Variants in ARHGAP15 observed in about 807,000 individuals in gnomAD.
ARHGAP15 encodes the protein rho GTPase-activating protein 15.
Under a neutral mutation model 63.7 loss-of-function variants are expected in ARHGAP15, and 51 were observed. That is an observed-to-expected ratio of 0.80 (90% CI 0.64 to 1.01). The LOEUF is 1.01. ARHGAP15 is among the 50% of genes least tolerant of loss of function. The pLI, the probability that ARHGAP15 is intolerant of heterozygous loss-of-function variation, is 0.00. For synonymous variants in ARHGAP15, 191 were observed against 193.8 expected (o/e 0.99, Z 0.12); for missense variants, 560 against 564.6 (o/e 0.99, Z 0.08).
At chr2:143,202,075 C>A in intron 2 of ARHGAP15, 59 bp from the exon 3 acceptor site, 1 of 1,325,774 alleles carries the variant, frequency 7.5e-7, no homozygotes, top group Admixed American at 1.7e-5. Flanking sequence ...TATGTGTATT[C>A]TTACTAAACT....
At chr2:143,192,902 T>G (rs1691734983) in intron 2 of ARHGAP15, among the ~76,000 whole-genome samples, 2 of 152,236 alleles carry the variant, frequency 1.3e-5, no homozygotes, top group South Asian at 4.1e-4. Context: ...CTGCTATCTA[T>G]GAGAGGTCTG....
chr2:143,635,319 C>T (rs747345441), intron 12 of ARHGAP15, among the ~76,000 whole-genome samples: 1 of 147,054 alleles, frequency 6.8e-6, no homozygotes, highest in Non-Finnish European at 1.5e-5. Context: ...CCCGAAAGTG[C>T]TGAGACTACA....
chr2:143,609,996 A>G (rs1242975348), intron 11 of ARHGAP15, among the ~76,000 whole-genome samples: 1 of 152,068 alleles, frequency 6.6e-6, no homozygotes, highest in Non-Finnish European at 1.5e-5. Context: ...GGGCCATAGG[A>G]GGTGGGTGGG....
intron 2 of ARHGAP15, among the ~76,000 whole-genome samples, chr2:143,166,203 T>C (rs1690526064): frequency 6.6e-6 from 1 of 152,104 alleles, no homozygotes; most frequent in South Asian, 2.1e-4. Flanking sequence ...GGAATCTTGC[T>C]GTTGTTATTT....
chr2:143,597,284 A>T (rs1414676512), intron 11 of ARHGAP15, among the ~76,000 whole-genome samples: 1 of 152,148 alleles, frequency 6.6e-6, no homozygotes, highest in Admixed American at 6.6e-5. Flanking sequence ...AAAATATAAA[A>T]TTTGTATTTT....
chr2:143,288,484 T>C (rs544211728), intron 6 of ARHGAP15, among the ~76,000 whole-genome samples: 2 of 152,264 alleles, frequency 1.3e-5, no homozygotes, highest in South Asian at 4.1e-4. Flanking sequence ...GAGCACTAGC[T>C]TATCTTAAGG....
chr2:143,332,849 A>G (rs1391687733), intron 6 of ARHGAP15, among the ~76,000 whole-genome samples: 4 of 152,030 alleles, frequency 2.6e-5, no homozygotes, highest in African/African-American at 9.7e-5. Context: ...GTCAAATATT[A>G]TTAGTTCTGG....
chr2:143,384,565 TAAAAA>T (rs11309282), intron 6 of ARHGAP15, among the ~76,000 whole-genome samples: 1 of 149,260 alleles, frequency 6.7e-6, no homozygotes. Context: ...GTTTTAGAGT[TAAAAA>T]AAAAAAAAAA....
intron 12 of ARHGAP15, among the ~76,000 whole-genome samples, chr2:143,694,753 T>C (rs536592402): frequency 6.6e-6 from 1 of 152,372 alleles, no homozygotes; most frequent in African/African-American, 2.4e-5. Flanking sequence ...TCAGATGAAC[T>C]AGCTGGACAG....
intron 2 of ARHGAP15, among the ~76,000 whole-genome samples, chr2:143,194,145 C>T (rs1187296815): frequency 6.6e-6 from 1 of 152,024 alleles, no homozygotes; most frequent in African/African-American, 2.4e-5. Flanking sequence ...ACATTCAGAT[C>T]CTTAATTATT....
intron 8 of ARHGAP15, among the ~76,000 whole-genome samples, chr2:143,462,533 C>T (rs1690995459): frequency 6.6e-6 from 1 of 152,152 alleles, no homozygotes; most frequent in African/African-American, 2.4e-5. Context: ...AAGTGTGACA[C>T]TGTCCTATGC....
rs967302130 is a variant in ARHGAP15 at position 143,517,058 on chromosome 2, C to T, written c.827-2208C>T. On this transcript the variant is annotated intron_variant, in intron 9 of 13. Transcript: ENST00000295095. ...TCTCCCTCCGGGTTGAAGCAATTCT[C>T]CTGCCTCAGCCTCCTGAGTAGCTGG... Among the ~76,000 whole-genome samples the T allele has an allele frequency of 5.9e-5, 9 of 152,304 alleles. No homozygotes were observed. In the East Asian group the frequency reaches 1.4e-3, roughly 23 times the overall value.
chr2:143,265,660 C>T (rs771978446), intron 6 of ARHGAP15, among the ~76,000 whole-genome samples: 15 of 152,022 alleles, frequency 9.9e-5, no homozygotes, highest in South Asian at 2.1e-4. Context: ...GGAGAGTTTT[C>T]GTAGGATATT....
At chr2:143,427,162 G>A (rs1263010210) in intron 6 of ARHGAP15, among the ~76,000 whole-genome samples, 1 of 152,072 alleles carries the variant, frequency 6.6e-6, no homozygotes, top group Non-Finnish European at 1.5e-5. Context: ...TCATAATCAT[G>A]GCCAAATATG....
At chr2:143,482,057 C>T (rs1692102407) in intron 8 of ARHGAP15, among the ~76,000 whole-genome samples, 1 of 152,050 alleles carries the variant, frequency 6.6e-6, no homozygotes, top group South Asian at 2.1e-4. Context: ...CAGAGGAAAA[C>T]ATAAAGGAAA....
At chr2:143,664,622 T>A (rs1385466292) in intron 12 of ARHGAP15, among the ~76,000 whole-genome samples, 113 of 151,028 alleles carry the variant, frequency 7.5e-4, no homozygotes, top group African/African-American at 2.6e-3. Context: ...AATTAATGAA[T>A]CCAGGAGCTG....
At chr2:143,757,232 G>A (rs924676816) in intron 13 of ARHGAP15, among the ~76,000 whole-genome samples, 3 of 152,148 alleles carry the variant, frequency 2.0e-5, no homozygotes, top group Non-Finnish European at 4.4e-5. Flanking sequence ...CACAGAGGCT[G>A]GGCACAGTGG....
At chr2:143,514,267 A>G (rs1469463449) in intron 9 of ARHGAP15, among the ~76,000 whole-genome samples, 1 of 152,214 alleles carries the variant, frequency 6.6e-6, no homozygotes, top group African/African-American at 2.4e-5. Flanking sequence ...TATTTACAAT[A>G]TGGAGCACAT....
rs141276240 is a variant in ARHGAP15 at position 143,644,696 on chromosome 2, C to T, written c.1138+20429C>T. Reference sequence around the variant, plus strand: ...GTTGACAGTGATCAGAACGCAAGTTCGGCCAGATCAATGATACCAAGATAT... The same window carrying T: ...GTTGACAGTGATCAGAACGCAAGTTTGGCCAGATCAATGATACCAAGATAT... On this transcript the variant is annotated intron_variant, in intron 12 of 13. Transcript: ENST00000295095. Among the ~76,000 whole-genome samples, 11 of 152,146 alleles carry T rather than the reference C, an allele frequency of 7.2e-5. No homozygotes were observed. In the East Asian group the frequency reaches 1.9e-3, roughly 27 times the overall value.
Sources: gnomAD v4.1 joint callset for allele counts (sites outside exome capture counted in the v4.1 genomes callset) on GRCh38, gnomAD v4.1.1 for gene constraint, MANE v1.5 for transcripts, NCBI Gene and HGNC (gene_info 2026-07-23, HGNC 2026-07-21) for gene names.